Variants in SEC63 observed in about 807,000 individuals in gnomAD.
SEC63 encodes SEC63 protein translocation regulator, also known as translocation protein SEC63 homolog.
In SEC63, 56 loss-of-function variants were observed where a neutral mutation model predicts 116.2. The ratio of observed to expected loss-of-function variants is 0.48; its 90% CI spans 0.39 to 0.60. The LOEUF (loss-of-function observed/expected upper bound fraction) is 0.60. Ranked by LOEUF, SEC63 falls within the 20% of genes least tolerant of loss-of-function variation. SEC63 has a pLI of 0.00. For missense variants in SEC63, 668 were observed against 900.0 expected (o/e 0.74, Z 3.30); for synonymous variants, 273 against 294.6 (o/e 0.93, Z 0.75).
At chr6:107,928,848 T>C (rs1787734619) in intron 2 of SEC63, among the ~76,000 whole-genome samples, 1 of 152,232 alleles carries the variant, frequency 6.6e-6, no homozygotes, top group African/African-American at 2.4e-5. Flanking sequence ...AACATGTTAA[T>C]GGCCTGTTTA....
chr6:107,881,085 A>G, intron 18 of SEC63, 64 bp downstream of exon 18: 1 of 1,199,358 alleles, frequency 8.3e-7, no homozygotes, highest in Non-Finnish European at 1.2e-6. Context: ...CTAAAAGTCA[A>G]CTGACAAATC....
intron 4 of SEC63, among the ~76,000 whole-genome samples, chr6:107,916,087 G>A (rs1364822186): frequency 6.7e-6 from 1 of 150,366 alleles, no homozygotes; most frequent in Non-Finnish European, 1.5e-5. Context: ...TTATAAACTT[G>A]AAAATGTTAA....
intron 3 of SEC63, among the ~76,000 whole-genome samples, chr6:107,923,609 C>T (rs1204065327): frequency 5.9e-5 from 9 of 152,098 alleles, no homozygotes; most frequent in African/African-American, 2.2e-4. Flanking sequence ...TCACTCATCT[C>T]AACCTTCTTG....
intron 8 of SEC63, among the ~76,000 whole-genome samples, 157 bp from the exon 9 acceptor site, chr6:107,906,934 TA>T (rs906391007): frequency 7.2e-5 from 11 of 152,132 alleles, no homozygotes; most frequent in African/African-American, 2.2e-4. Context: ...ATTTCTTCCA[TA>T]AAAAAAGTAA....
intron 1 of SEC63, among the ~76,000 whole-genome samples, chr6:107,935,330 C>T (rs996638290): frequency 4.0e-5 from 6 of 151,024 alleles, no homozygotes; most frequent in South Asian, 2.1e-4. Context: ...ATGACAATGG[C>T]GGTTTTGTGG....
chr6:107,953,897 C>T lies in SEC63; in HGVS notation c.124+3989G>A, dbSNP rs188960685. On this transcript the variant is annotated intron_variant, in intron 1 of 20. Coordinates refer to ENST00000369002, the MANE Select transcript of SEC63 (RefSeq NM_007214.5). ...GCCCGGTCCGGGAGGTGAGGGGCGC[C>T]TCTCCTCAGCCGCCCCTACTGGGAC... Among the ~76,000 whole-genome samples the T allele has an allele frequency of 3.0e-3, 461 of 151,984 alleles. 3 individuals are homozygous for T. The highest frequency in any genetic ancestry group is 0.01 in the African/African-American group (431 of 41,526).
intron 1 of SEC63, among the ~76,000 whole-genome samples, chr6:107,942,731 AT>A (rs1770403887): frequency 6.6e-6 from 1 of 152,196 alleles, no homozygotes; most frequent in African/African-American, 2.4e-5. Context: ...TATGGATAAC[AT>A]ACACAGTTGA....
chr6:107,926,165 ACTAT>A (rs1787669611), intron 2 of SEC63, among the ~76,000 whole-genome samples: 1 of 152,188 alleles, frequency 6.6e-6, no homozygotes, highest in African/African-American at 2.4e-5. Context: ...GCTGTGGATG[ACTAT>A]CTATCTTATA....
chr6:107,919,229 T>C (rs953205253), intron 4 of SEC63, among the ~76,000 whole-genome samples: 1 of 152,138 alleles, frequency 6.6e-6, no homozygotes, highest in East Asian at 1.9e-4. Context: ...ATTTCAACCT[T>C]CATGGATGAC....
chr6:107,880,653 A>AT (rs1233773009), intron 18 of SEC63, among the ~76,000 whole-genome samples: 4 of 152,212 alleles, frequency 2.6e-5, no homozygotes, highest in African/African-American at 9.7e-5. Context: ...TCCCACAGCC[A>AT]TGGGCTCACA....
At chr6:107,910,711 A>G (rs1210266147) in intron 7 of SEC63, among the ~76,000 whole-genome samples, 2 of 152,034 alleles carry the variant, frequency 1.3e-5, no homozygotes, top group African/African-American at 4.8e-5. Context: ...ATATACATAC[A>G]CACATATGTA....
In SEC63 at chr6:107,913,434, T is replaced by G; in HGVS notation, c.453-7A>C. The G allele has an allele frequency of 6.2e-7, 1 of 1,611,656 alleles. No homozygotes were observed. Among genetic ancestry groups the G allele is most frequent in the African/African-American group, 1.3e-5 (1 of 74,980 alleles). ...GGACTCTTCATCCGTTAAACTAGCA[T>G]CAAAAGAACAAAGTTGCAAAATTAG... On this transcript the variant is annotated splice_polypyrimidine_tract_variant and splice_region_variant and intron_variant, in intron 4 of 20. Coordinates refer to ENST00000369002, the MANE Select transcript of SEC63 (RefSeq NM_007214.5).
chr6:107,957,636 G>A, intron 1 of SEC63: 1 of 317,210 alleles, frequency 3.2e-6, no homozygotes, highest in Non-Finnish European at 5.7e-6. Flanking sequence ...GAGGCTGCAA[G>A]GAGCGTCCAC....
At chr6:107,898,986 G>A (rs1786932237) in intron 13 of SEC63, among the ~76,000 whole-genome samples, 1 of 152,158 alleles carries the variant, frequency 6.6e-6, no homozygotes, top group Non-Finnish European at 1.5e-5. Context: ...TCTTCACCCT[G>A]GAAGTCTCCA....
intron 1 of SEC63, among the ~76,000 whole-genome samples, chr6:107,937,421 C>G (rs1326855171): frequency 6.6e-6 from 1 of 152,196 alleles, no homozygotes; most frequent in Non-Finnish European, 1.5e-5. Flanking sequence ...CCACCACGCC[C>G]GGCCACTACA....
Position 107,869,518 on chromosome 6 carries a change from C to T in SEC63, c.*2186G>A, listed in dbSNP as rs1189484814. ...AAAATTGAAACTTTGCTCAAGTTTC[C>T]ATTAGATTAAATGCAAACTAGGATA... On this transcript the variant is annotated 3_prime_UTR_variant, in exon 21 of 21. Coordinates refer to ENST00000369002, the MANE Select transcript of SEC63 (RefSeq NM_007214.5). The T allele has an allele frequency of 1.3e-5, 2 of 152,066 alleles. No individual in the cohort carries two copies. The highest frequency in any genetic ancestry group is 2.9e-5 in the Non-Finnish European group (2 of 68,026). 9.4% of individuals were successfully genotyped at this position (152,066 alleles called of 1,614,324 possible).
chr6:107,890,555 T>A (rs1786656925), intron 16 of SEC63, among the ~76,000 whole-genome samples: 1 of 152,222 alleles, frequency 6.6e-6, no homozygotes, highest in Admixed American at 6.5e-5. Flanking sequence ...ATTGGGGCAT[T>A]TAGCCCATTT....
At chr6:107,882,956 T>C in intron 17 of SEC63, 32 bp downstream of exon 17, 1 of 1,372,292 alleles carries the variant, frequency 7.3e-7, no homozygotes, top group Non-Finnish European at 1.0e-6. Context: ...ATAATTCCAA[T>C]TATTTAAATT....
intron 1 of SEC63, among the ~76,000 whole-genome samples, chr6:107,944,200 T>A (rs1770435053): frequency 6.6e-6 from 1 of 152,190 alleles, no homozygotes. Context: ...AAATAAAGAA[T>A]GACTCCCAAG....
Sources: allele counts gnomAD v4.1 joint callset (sites outside exome capture counted in the v4.1 genomes callset), GRCh38; gene constraint gnomAD v4.1.1; transcripts MANE v1.5; gene names NCBI Gene and HGNC (gene_info 2026-07-23, HGNC 2026-07-21).